TAOK1: variants seen among roughly 807,000 people sequenced by gnomAD.
The protein encoded by TAOK1 is TAO kinase 1.
In TAOK1, 21 loss-of-function variants were observed where a neutral mutation model predicts 138.3. That is an observed-to-expected ratio of 0.15 (90% CI 0.11 to 0.22). The LOEUF (loss-of-function observed/expected upper bound fraction) is 0.22. Ranked by LOEUF, TAOK1 falls within the 10% of genes least tolerant of loss-of-function variation. The pLI is 1.00. For missense variants in TAOK1, 651 were observed against 1,227.7 expected, an observed-to-expected ratio of 0.53 and a Z score of 7.02; for synonymous variants, 361 against 398.4, an observed-to-expected ratio of 0.91 and a Z score of 1.12.
Position 29,534,141 on chromosome 17 carries a change from A to G in TAOK1, c.2385A>G (p.Glu795=). The G allele has an allele frequency of 6.2e-7, 1 of 1,610,110 alleles. No individual in the cohort carries two copies. The highest frequency in any genetic ancestry group is 8.5e-7 in the Non-Finnish European group (1 of 1,178,538). Residue 795 remains glutamate (E), a synonymous_variant, in exon 19 of 20, where the codon GAA becomes GAG. Transcript: ENST00000261716. The part of the protein sequence containing the change: ...TQALRLDEAQ[E]AECQVLKMQL... ...AGCTGCGTTTGGATGAAGCACAGGAAGCAGAGTGCCAGGTTTTGAAGATGC... is the reference window on the plus strand; with the variant it reads ...AGCTGCGTTTGGATGAAGCACAGGAGGCAGAGTGCCAGGTTTTGAAGATGC...
At chr17:29,485,113 G>T (rs1485372366) in intron 8 of TAOK1, among the ~76,000 whole-genome samples, 1 of 151,976 alleles carries the variant, frequency 6.6e-6, no homozygotes, top group African/African-American at 2.4e-5. Flanking sequence ...GAAATTACTT[G>T]GTTATGTCTT....
At chr17:29,518,590 G>C (rs918564230) in intron 16 of TAOK1, among the ~76,000 whole-genome samples, 1 of 152,164 alleles carries the variant, frequency 6.6e-6, no homozygotes, top group African/African-American at 2.4e-5. Flanking sequence ...GGGTAGGGAG[G>C]TTGTTCCTGA....
intron 13 of TAOK1, among the ~76,000 whole-genome samples, chr17:29,503,161 C>G (rs565348745): frequency 6.6e-6 from 1 of 152,152 alleles, no homozygotes; most frequent in South Asian, 2.1e-4. Context: ...CTTTGGGAGG[C>G]CGAAGCGGGC....
At position 29,507,550 on chromosome 17, in the gene TAOK1, A is replaced by G. The variant is rs779531573; in HGVS notation, c.1339-346A>G. Among the ~76,000 whole-genome samples the G allele has an allele frequency of 8.5e-5, 13 of 152,306 alleles. 1 individual carries two copies. Among genetic ancestry groups the G allele is most frequent in the East Asian group, 3.9e-4 (2 of 5,194 alleles). The stretch of plus-strand genomic sequence containing the variant: ...CTTGACTTTCTTGGTAGAAAAATCA[A>G]TTGAACATATGTGGATCTCTTTCTA... On this transcript the variant is annotated intron_variant, in intron 13 of 19. Coordinates refer to ENST00000261716, the MANE Select transcript of TAOK1 (RefSeq NM_020791.4).
chr17:29,457,849 G>A (rs1337009395), intron 2 of TAOK1, among the ~76,000 whole-genome samples: 1 of 152,014 alleles, frequency 6.6e-6, no homozygotes, highest in Non-Finnish European at 1.5e-5. Context: ...GGTGGCTCAC[G>A]CGTGTAATCT....
intron 1 of TAOK1, among the ~76,000 whole-genome samples, chr17:29,430,625 A>G (rs1905797125): frequency 6.6e-6 from 1 of 152,082 alleles, no homozygotes; most frequent in South Asian, 2.1e-4. Flanking sequence ...TAGGCATGGA[A>G]AGTTAGGGTT....
At chr17:29,491,518 G>A (rs577756729) in intron 9 of TAOK1, among the ~76,000 whole-genome samples, 1 of 152,028 alleles carries the variant, frequency 6.6e-6, no homozygotes. Context: ...ATTTTGCCTC[G>A]ATATAGTAAT....
intron 8 of TAOK1, among the ~76,000 whole-genome samples, chr17:29,486,744 T>C (rs1235178148): frequency 6.6e-6 from 1 of 152,208 alleles, no homozygotes; most frequent in Non-Finnish European, 1.5e-5. Flanking sequence ...AATTGAGAGA[T>C]TTTTAATTTA....
At position 29,526,819 on chromosome 17, in the gene TAOK1, T is replaced by TTAAA. The variant is rs770263137; in HGVS notation, c.2149-3588_2149-3587insTAAA. 7.1e-4 allele frequency among the ~76,000 whole-genome samples: 36 copies of TTAAA among 50,948 alleles called. 10 individuals carry two copies. The highest frequency in any genetic ancestry group is 6.3e-4 in the Non-Finnish European group (18 of 28,800). 33.4% of individuals were successfully genotyped at this position (50,948 alleles called of 152,430 possible). A position where few individuals can be genotyped will look rare whatever the true frequency, so the allele number is the denominator to read the frequency against. On this transcript the variant is annotated intron_variant, in intron 17 of 19. Coordinates refer to ENST00000261716, the MANE Select transcript of TAOK1 (RefSeq NM_020791.4). ...GGCAGCATAGGGAGATCTCATCTCTTAAAAAAAAAAAAAAAAAAAAAAAAA... is the reference window on the plus strand; with the variant it reads ...GGCAGCATAGGGAGATCTCATCTCTTTAAAAAAAAAAAAAAAAAAAAAAAAAAAA...
At chr17:29,456,263 G>T (rs868247690) in intron 2 of TAOK1, among the ~76,000 whole-genome samples, 1 of 149,828 alleles carries the variant, frequency 6.7e-6, no homozygotes, top group Non-Finnish European at 1.5e-5. Flanking sequence ...CATGAGAATC[G>T]CTTGAACCCG....
Position 29,448,991 on chromosome 17 carries a change from T to C in TAOK1, c.-94-2464T>C, listed in dbSNP as rs1413005906. Among the ~76,000 whole-genome samples the C allele has an allele frequency of 3.3e-5, 5 of 152,126 alleles. No homozygotes were observed. The East Asian group carries it at 9.6e-4, about 29-fold the overall frequency. On this transcript the variant is annotated intron_variant, in intron 1 of 19. Coordinates refer to ENST00000261716, the MANE Select transcript of TAOK1 (RefSeq NM_020791.4). ...AATAGAGTTAAGGTTTTGCAAACATTATGACATTTAATCTAAATCTTGAAA... is the reference window on the plus strand; with the variant it reads ...AATAGAGTTAAGGTTTTGCAAACATCATGACATTTAATCTAAATCTTGAAA...
intron 1 of TAOK1, among the ~76,000 whole-genome samples, chr17:29,433,915 T>C (rs1300915429): frequency 6.6e-6 from 1 of 152,026 alleles, no homozygotes; most frequent in African/African-American, 2.4e-5. Context: ...GAAACAGCAG[T>C]CAGAGCTCCC....
At chr17:29,487,451 T>C (rs1297256734) in intron 8 of TAOK1, among the ~76,000 whole-genome samples, 1 of 152,122 alleles carries the variant, frequency 6.6e-6, no homozygotes, top group Non-Finnish European at 1.5e-5. Context: ...TATGTACATG[T>C]ATATATTCCC....
intron 13 of TAOK1, among the ~76,000 whole-genome samples, chr17:29,507,129 G>T (rs1300064802): frequency 6.6e-6 from 1 of 152,084 alleles, no homozygotes; most frequent in Non-Finnish European, 1.5e-5. Flanking sequence ...TTCTTCTGAG[G>T]TGATAAACAT....
intron 18 of TAOK1, among the ~76,000 whole-genome samples, chr17:29,531,688 CG>C (rs1330719571): frequency 6.7e-6 from 1 of 150,006 alleles, no homozygotes; most frequent in Non-Finnish European, 1.5e-5. Context: ...ACCTGAACCC[CG>C]GGGGCAGAGG....
intron 13 of TAOK1, among the ~76,000 whole-genome samples, 176 bp downstream of exon 13, chr17:29,502,899 A>G (rs1167444979): frequency 6.6e-6 from 1 of 152,226 alleles, no homozygotes; most frequent in Non-Finnish European, 1.5e-5. Context: ...GAGAAATGTT[A>G]AACTAACAAT....
intron 1 of TAOK1, among the ~76,000 whole-genome samples, chr17:29,397,807 GTATATATGTATATACATGTATA>G (rs2153019831): frequency 6.7e-6 from 1 of 149,072 alleles, no homozygotes; most frequent in South Asian, 2.1e-4. Context: ...ATTCATGTAT[GTATATATGTATATACATGTATA>G]TATATGTGTA....
rs1445073555 is a variant in TAOK1, at chr17:29,543,043, A to T, written c.*21A>T. On this transcript the variant is annotated 3_prime_UTR_variant, in exon 20 of 20. Transcript: ENST00000261716. ...CATAACTTAATAATTGAGAGTGGCA[A>T]TTCCGCTGGAGCTGTCTGCCAAAAG... The T allele has an allele frequency of 6.6e-7, 1 of 1,516,996 alleles. No homozygotes were observed. Among genetic ancestry groups the T allele is most frequent in the Middle Eastern group, 1.7e-4 (1 of 5,744 alleles). The allele number at this position is 1,516,996 out of a possible 1,614,324, so 94.0% of individuals were successfully genotyped here.
At chr17:29,536,618 T>G (rs980874388) in intron 19 of TAOK1, among the ~76,000 whole-genome samples, 4 of 149,856 alleles carry the variant, frequency 2.7e-5, no homozygotes, top group Admixed American at 2.7e-4. Context: ...AATAAATAAA[T>G]AAGATGAGAA....
Sources: gnomAD v4.1 joint callset for allele counts (sites outside exome capture counted in the v4.1 genomes callset) on GRCh38, gnomAD v4.1.1 for gene constraint, MANE v1.5 for transcripts, NCBI Gene and HGNC (gene_info 2026-07-23, HGNC 2026-07-21) for gene names.